Variants in MYO16 observed in about 807,000 individuals in gnomAD.
The protein encoded by MYO16 is unconventional myosin-XVI.
In MYO16, 94 loss-of-function variants were observed where a neutral mutation model predicts 205.3. That is an observed-to-expected ratio of 0.46 (90% CI 0.39 to 0.54). The LOEUF is 0.54. MYO16 is among the 20% of genes least tolerant of loss of function. The pLI, the probability that MYO16 is intolerant of heterozygous loss-of-function variation, is 0.00. For missense variants in MYO16, 2,315 were observed against 2,387.5 expected (o/e 0.97, Z 0.63); for synonymous variants, 988 against 954.0 (o/e 1.04, Z -0.66).
At chr13:108,531,755 T>C in the MYO16 span, among the ~76,000 whole-genome samples, 1 of 152,062 alleles carries the variant, frequency 6.6e-6, no homozygotes, top group South Asian at 2.1e-4. Context: ...TGGCTAACAA[T>C]TAATGAATAT....
At chr13:108,584,491 TC>T in the MYO16 span, among the ~76,000 whole-genome samples, 12 of 151,388 alleles carry the variant, frequency 7.9e-5, no homozygotes, top group Non-Finnish European at 1.6e-4. Flanking sequence ...TCCAAATCTT[TC>T]TTATAATTAT....
At chr13:108,624,487 C>T (rs769686855) in intron 1 of MYO16, among the ~76,000 whole-genome samples, 1 of 152,112 alleles carries the variant, frequency 6.6e-6, no homozygotes, top group Non-Finnish European at 1.5e-5. Flanking sequence ...TAAAACAAAA[C>T]GGTCTGTTTC....
chr13:109,045,145 T>G (rs896362145), intron 23 of MYO16, among the ~76,000 whole-genome samples: 3 of 152,174 alleles, frequency 2.0e-5, no homozygotes, highest in Non-Finnish European at 4.4e-5. Flanking sequence ...ATGGTTTTGC[T>G]GGGCACTGCT....
chr13:109,194,774 G>T (rs1049403762), intron 34 of MYO16, among the ~76,000 whole-genome samples: 14 of 152,102 alleles, frequency 9.2e-5, no homozygotes, highest in Non-Finnish European at 2.9e-5. Flanking sequence ...TAGGCTAGGG[G>T]AAGGCAGTGG....
upstream of MYO16, among the ~76,000 whole-genome samples, chr13:108,593,807 C>T (rs554292442): frequency 1.3e-5 from 2 of 152,128 alleles, no homozygotes; most frequent in African/African-American, 4.8e-5. Context: ...GCTCCTATGT[C>T]GCTCCCAAGC....
the MYO16 span, among the ~76,000 whole-genome samples, chr13:108,560,209 A>G: frequency 1.3e-5 from 2 of 152,206 alleles, no homozygotes; most frequent in Non-Finnish European, 2.9e-5. Context: ...ATGAAGGCAC[A>G]CTGCTGTCTA....
intron 33 of MYO16, among the ~76,000 whole-genome samples, chr13:109,172,685 T>G (rs558805443): frequency 6.6e-6 from 1 of 152,360 alleles, no homozygotes; most frequent in African/African-American, 2.4e-5. Flanking sequence ...CTTCATGGAC[T>G]GCTGTATTTT....
chr13:108,550,768 C>T, the MYO16 span, among the ~76,000 whole-genome samples: 6 of 152,170 alleles, frequency 3.9e-5, no homozygotes, highest in Admixed American at 1.3e-4. Flanking sequence ...TGAATCCCTG[C>T]TAATATTTTG....
At chr13:108,585,718 T>G in the MYO16 span, among the ~76,000 whole-genome samples, 5 of 152,172 alleles carry the variant, frequency 3.3e-5, no homozygotes, top group African/African-American at 1.2e-4. Flanking sequence ...AGAGTCAGAT[T>G]GAAAAGTAAG....
the MYO16 span, among the ~76,000 whole-genome samples, chr13:108,520,700 C>G: frequency 6.6e-6 from 1 of 152,126 alleles, no homozygotes; most frequent in Non-Finnish European, 1.5e-5. Flanking sequence ...TTTTAACACA[C>G]CCTGTAGTAT....
chr13:108,629,527 A>C (rs1879877464), upstream of MYO16: 2 of 285,134 alleles, frequency 7.0e-6, no homozygotes, highest in Admixed American at 9.7e-5. Context: ...ATGTGGCTGC[A>C]TGTGAACACC....
intron 1 of MYO16, among the ~76,000 whole-genome samples, chr13:108,608,589 A>G (rs541240959): frequency 7.2e-5 from 11 of 152,290 alleles, no homozygotes; most frequent in African/African-American, 2.6e-4. Flanking sequence ...ATACATATAC[A>G]CATACATAAA....
intron 29 of MYO16, among the ~76,000 whole-genome samples, chr13:109,121,463 C>A (rs949896868): frequency 6.6e-6 from 1 of 152,220 alleles, no homozygotes; most frequent in African/African-American, 2.4e-5. Context: ...TCAGGGACTT[C>A]CTTCTCTAAC....
In MYO16 at chr13:109,044,290, T is replaced by A. The variant is rs1262972122; in HGVS notation, c.2797-2626T>A. Among the ~76,000 whole-genome samples, 6 of 152,270 alleles carry A rather than the reference T, an allele frequency of 3.9e-5. No individual in the cohort carries two copies. In the East Asian group the frequency reaches 1.2e-3, roughly 29 times the overall value. ...GAAGGAGGGGAGATGCCAGTGGGAA[T>A]GAAAAGCATGTTTAGAAAGTGGAAG... is the stretch of plus-strand genomic sequence containing the variant. On this transcript the variant is annotated intron_variant, in intron 23 of 34. Coordinates refer to ENST00000457511, the MANE Select transcript of MYO16 (RefSeq NM_001198950.3).
chr13:108,763,060 A>G (rs1416365668), intron 4 of MYO16, among the ~76,000 whole-genome samples: 2 of 152,236 alleles, frequency 1.3e-5, no homozygotes, highest in South Asian at 2.1e-4. Flanking sequence ...ATTTTCCCAA[A>G]TAACTCCAGT....
rs896659385 is a variant in MYO16 at position 108,893,804 on chromosome 13, C to G, written c.1660-4212C>G. ...CAAACTGTACATTCCACTGAGAGAG[C>G]CTGGTTCATTCTAAAGGAGACAATT... On this transcript the variant is annotated intron_variant, in intron 14 of 34. Coordinates refer to ENST00000457511, the MANE Select transcript of MYO16 (RefSeq NM_001198950.3). Among the ~76,000 whole-genome samples, 4 of 151,896 alleles carry G rather than the reference C, an allele frequency of 2.6e-5. No individual in the cohort carries two copies. The East Asian group carries it at 7.7e-4, about 29-fold the overall frequency.
intron 16 of MYO16, among the ~76,000 whole-genome samples, chr13:108,915,123 A>G (rs567054723): frequency 6.6e-6 from 1 of 152,368 alleles, no homozygotes; most frequent in South Asian, 2.1e-4. Context: ...AGCAGATAGG[A>G]CGTGTGCCTA....
intron 17 of MYO16, among the ~76,000 whole-genome samples, chr13:108,960,944 C>T (rs550921809): frequency 1.3e-5 from 2 of 152,208 alleles, no homozygotes; most frequent in African/African-American, 4.8e-5. Context: ...TTTCTGTTTT[C>T]CTTAAAATAC....
At chr13:108,698,372 C>T (rs1018954992) in intron 2 of MYO16, among the ~76,000 whole-genome samples, 18 of 152,310 alleles carry the variant, frequency 1.2e-4, no homozygotes, top group African/African-American at 4.3e-4. Context: ...ATGTGATTTC[C>T]GTTCCCAATT....
Sources: allele counts gnomAD v4.1 joint callset (sites outside exome capture counted in the v4.1 genomes callset), GRCh38; gene constraint gnomAD v4.1.1; transcripts MANE v1.5; gene names NCBI Gene and HGNC (gene_info 2026-07-23, HGNC 2026-07-21).